The following KCNIP4 variants were observed in gnomAD, a reference collection of about 807,000 sequenced individuals.
KCNIP4 encodes the protein Kv channel-interacting protein 4.
KCNIP4 carries 12 observed loss-of-function variants against 34.0 expected under a neutral mutation model. The observed-to-expected ratio is 0.35, with a 90% CI of 0.23 to 0.57. The LOEUF is 0.57. Among genes scored for constraint, KCNIP4 ranks in the 20% least tolerant of loss-of-function variants. The pLI, the probability that KCNIP4 is intolerant of heterozygous loss-of-function variation, is 0.83. For missense variants in KCNIP4, 238 were observed against 311.7 expected, an observed-to-expected ratio of 0.76 and a Z score of 1.78; for synonymous variants, 124 against 102.2, an observed-to-expected ratio of 1.21 and a Z score of -1.29.
intron 1 of KCNIP4, among the ~76,000 whole-genome samples, chr4:21,415,704 A>G (rs1319878136): frequency 6.6e-6 from 1 of 152,080 alleles, no homozygotes; most frequent in Non-Finnish European, 1.5e-5. Flanking sequence ...TTTGTCTCAA[A>G]CAAGCAAACA....
chr4:20,771,197 A>T, intron 3 of KCNIP4, among the ~76,000 whole-genome samples: 1 of 152,224 alleles, frequency 6.6e-6, no homozygotes, highest in Admixed American at 6.5e-5. Flanking sequence ...TGGTATACAC[A>T]TATGTTCATA....
intron 1 of KCNIP4, among the ~76,000 whole-genome samples, chr4:21,450,087 G>A (rs1172922608): frequency 6.6e-6 from 1 of 152,082 alleles, no homozygotes; most frequent in Non-Finnish European, 1.5e-5. Flanking sequence ...AAAACAAAAT[G>A]CCATAATTAT....
intron 1 of KCNIP4, among the ~76,000 whole-genome samples, chr4:21,475,709 TAC>T (rs1465706572): frequency 1.3e-5 from 2 of 152,186 alleles, no homozygotes; most frequent in Non-Finnish European, 2.9e-5. Flanking sequence ...ATATCGCAGC[TAC>T]AGAGATGAAA....
chr4:21,303,781 G>C (rs774633937), intron 1 of KCNIP4: 2 of 1,574,802 alleles, frequency 1.3e-6, no homozygotes, highest in Admixed American at 3.4e-5. Context: ...AGAATTTTTA[G>C]AAGTCACTAA....
chr4:21,542,968 A>AGAC (rs1737830079), intron 1 of KCNIP4, among the ~76,000 whole-genome samples: 1 of 151,966 alleles, frequency 6.6e-6, no homozygotes, highest in African/African-American at 2.4e-5. Flanking sequence ...GAATACTGTC[A>AGAC]ATTCAATGAT....
At chr4:21,272,846 C>A (rs1439118934) in intron 1 of KCNIP4, among the ~76,000 whole-genome samples, 1 of 152,108 alleles carries the variant, frequency 6.6e-6, no homozygotes, top group Non-Finnish European at 1.5e-5. Flanking sequence ...TTCTAAGGTT[C>A]TCTGATTTTT....
chr4:20,879,428 G>A lies in KCNIP4; in HGVS notation c.163+3180C>T, dbSNP rs891232731. Among the ~76,000 whole-genome samples, 13 of 152,212 alleles carry A rather than the reference G, an allele frequency of 8.5e-5. 1 individual carries two copies. Among genetic ancestry groups the A allele is most frequent in the African/African-American group, 1.9e-4 (8 of 41,530 alleles). On this transcript the variant is annotated intron_variant, in intron 2 of 8. Transcript: ENST00000382152. ...CCTGGTACATTTCCAAGACAATGGC[G>A]CTTTTTGATATTTGTCTGATAGTCT...
intron 3 of KCNIP4, among the ~76,000 whole-genome samples, chr4:20,828,636 C>A (rs1718056899): frequency 6.6e-6 from 1 of 152,216 alleles, no homozygotes; most frequent in African/African-American, 2.4e-5. Flanking sequence ...AACACCTTCT[C>A]CAAAGCTGAG....
At chr4:21,494,062 G>A (rs1732639434) in intron 1 of KCNIP4, among the ~76,000 whole-genome samples, 1 of 152,162 alleles carries the variant, frequency 6.6e-6, no homozygotes, top group African/African-American at 2.4e-5. Flanking sequence ...GAGAGGATGA[G>A]TCCCCAATTT....
At chr4:21,674,592 T>C (rs1749748313) in intron 1 of KCNIP4, among the ~76,000 whole-genome samples, 1 of 152,198 alleles carries the variant, frequency 6.6e-6, no homozygotes, top group African/African-American at 2.4e-5. Flanking sequence ...CCTCTCTCAT[T>C]GTGCCTTTGA....
chr4:21,585,293 G>T (rs564169912), intron 1 of KCNIP4, among the ~76,000 whole-genome samples: 1 of 151,990 alleles, frequency 6.6e-6, no homozygotes, highest in African/African-American at 2.4e-5. Context: ...GACCTGGCCT[G>T]GTCCAGGAAC....
intron 1 of KCNIP4, among the ~76,000 whole-genome samples, chr4:21,616,095 G>A (rs973158012): frequency 6.6e-6 from 1 of 152,066 alleles, no homozygotes; most frequent in African/African-American, 2.4e-5. Flanking sequence ...TACAAGCTCT[G>A]GCTCCCCAGT....
At chr4:21,934,261 C>T (rs1729728012) in intron 1 of KCNIP4, among the ~76,000 whole-genome samples, 1 of 152,052 alleles carries the variant, frequency 6.6e-6, no homozygotes, top group African/African-American at 2.4e-5. Context: ...TAGGCTGCCC[C>T]AGACTCTTAT....
chr4:21,847,072 T>A (rs1230098303), intron 1 of KCNIP4: 3 of 152,166 alleles, frequency 2.0e-5, no homozygotes, highest in Non-Finnish European at 4.4e-5. Context: ...ATTCTGCAGG[T>A]GAGCCAGTTT....
In KCNIP4 at chr4:20,952,228, AT is replaced by A. The variant is rs556844054; in HGVS notation, c.62-69520del. On this transcript the variant is annotated intron_variant, in intron 1 of 8. Coordinates refer to ENST00000382152, the MANE Select transcript of KCNIP4 (RefSeq NM_025221.6). Reference sequence around the variant, plus strand: ...TTTCAACCATAATCTATATCAAGGTATTTTTTTTTCTCAAAATGATGGTGAC... The same window carrying A: ...TTTCAACCATAATCTATATCAAGGTATTTTTTTTCTCAAAATGATGGTGAC... Among the ~76,000 whole-genome samples, 387 of 151,598 alleles carry A rather than the reference AT, an allele frequency of 2.6e-3. 4 individuals are homozygous for A. The highest frequency in any genetic ancestry group is 6.8e-3 in the Middle Eastern group (2 of 292).
chr4:21,930,457 A>G lies in KCNIP4; in HGVS notation c.61+18114T>C, dbSNP rs189895676. ...TTTACCTTGCTTAACACCATTCAAG[A>G]GCCTGCAGATTTTAGTTTAAACTCC... On this transcript the variant is annotated intron_variant, in intron 1 of 8. Coordinates refer to ENST00000382152, the MANE Select transcript of KCNIP4 (RefSeq NM_025221.6). Among the ~76,000 whole-genome samples the G allele has an allele frequency of 3.1e-3, 468 of 152,248 alleles. 3 individuals carry two copies. The highest frequency in any genetic ancestry group is 0.011 in the African/African-American group (445 of 41,554).
At chr4:21,504,361 G>GTCAACT (rs1733621163) in intron 1 of KCNIP4, among the ~76,000 whole-genome samples, 1 of 151,546 alleles carries the variant, frequency 6.6e-6, no homozygotes, top group Non-Finnish European at 1.5e-5. Flanking sequence ...CCAGCTACTG[G>GTCAACT]GGGAGCTGAG....
intron 1 of KCNIP4, among the ~76,000 whole-genome samples, chr4:20,896,558 G>T (rs974884196): frequency 2.0e-5 from 3 of 152,174 alleles, no homozygotes; most frequent in Non-Finnish European, 4.4e-5. Flanking sequence ...AGGGAAGCCA[G>T]CTAAGAGCCA....
At chr4:20,924,554 G>A (rs143104476) in intron 1 of KCNIP4, among the ~76,000 whole-genome samples, 12 of 151,994 alleles carry the variant, frequency 7.9e-5, no homozygotes, top group South Asian at 2.1e-4. Flanking sequence ...GCACAAGCCC[G>A]GAACATAGTC....
Sources: gnomAD v4.1 joint callset for allele counts (sites outside exome capture counted in the v4.1 genomes callset) on GRCh38, gnomAD v4.1.1 for gene constraint, MANE v1.5 for transcripts, NCBI Gene and HGNC (gene_info 2026-07-23, HGNC 2026-07-21) for gene names.